The following PAK5 variants were observed in gnomAD, a reference collection of about 807,000 sequenced individuals.
PAK5 encodes the protein p21 (RAC1) activated kinase 5.
PAK5 carries 16 observed loss-of-function variants against 65.9 expected under a neutral mutation model. That is an observed-to-expected ratio of 0.24 (90% CI 0.16 to 0.37). The LOEUF (loss-of-function observed/expected upper bound fraction) is 0.37. Among genes scored for constraint, PAK5 ranks in the 10% least tolerant of loss-of-function variants. PAK5 has a pLI of 1.00. For missense variants in PAK5, 785 were observed against 903.9 expected, an observed-to-expected ratio of 0.87 and a Z score of 1.69; for synonymous variants, 371 against 354.9, an observed-to-expected ratio of 1.05 and a Z score of -0.51.
At chr20:9,775,214 T>C (rs1257713330) in intron 1 of PAK5, among the ~76,000 whole-genome samples, 1 of 152,060 alleles carries the variant, frequency 6.6e-6, no homozygotes, top group Non-Finnish European at 1.5e-5. Flanking sequence ...CATAGGGCTA[T>C]AAAATTTAGA....
At chr20:9,722,238 G>A (rs536290326) in intron 1 of PAK5, among the ~76,000 whole-genome samples, 9 of 152,150 alleles carry the variant, frequency 5.9e-5, no homozygotes, top group Non-Finnish European at 7.3e-5. Context: ...GAGTTAGCAT[G>A]TACAAATGTC....
At chr20:9,759,219 C>T (rs1398560785) in intron 1 of PAK5, among the ~76,000 whole-genome samples, 1 of 152,054 alleles carries the variant, frequency 6.6e-6, no homozygotes, top group East Asian at 1.9e-4. Flanking sequence ...TGTAGCTGGG[C>T]TTTTTAATTT....
chr20:9,752,209 G>T (rs1288378426), intron 1 of PAK5, among the ~76,000 whole-genome samples: 5 of 152,058 alleles, frequency 3.3e-5, no homozygotes, highest in African/African-American at 1.2e-4. Flanking sequence ...CCAGAGGCAG[G>T]GTCAAGCAAT....
At chr20:9,828,082 A>C (rs899431689) in intron 1 of PAK5, among the ~76,000 whole-genome samples, 6 of 151,944 alleles carry the variant, frequency 3.9e-5, no homozygotes, top group African/African-American at 1.4e-4. Flanking sequence ...TAATCCACCC[A>C]CCTCGGCCTC....
At chr20:9,540,866 A>G (rs1294228919) in intron 9 of PAK5, among the ~76,000 whole-genome samples, 1 of 151,698 alleles carries the variant, frequency 6.6e-6, no homozygotes, top group African/African-American at 2.4e-5. Context: ...CCTCCTGAGT[A>G]GCTGGGACTA....
intron 1 of PAK5, among the ~76,000 whole-genome samples, chr20:9,723,919 T>C (rs182700591): frequency 6.6e-6 from 1 of 152,326 alleles, no homozygotes; most frequent in Non-Finnish European, 1.5e-5. Flanking sequence ...CTGCTTATTA[T>C]GTAGCATTTT....
chr20:9,710,557 C>T (rs2048065441), intron 2 of PAK5, among the ~76,000 whole-genome samples: 1 of 152,286 alleles, frequency 6.6e-6, no homozygotes, highest in Non-Finnish European at 1.5e-5. Flanking sequence ...AATGCCACAT[C>T]CCTAAGCCAA....
chr20:9,579,563 G>A (rs990294866), intron 4 of PAK5, among the ~76,000 whole-genome samples: 6 of 152,018 alleles, frequency 3.9e-5, no homozygotes, highest in Non-Finnish European at 7.4e-5. Context: ...ATGGTCCAGC[G>A]GTCCAGCAAC....
At chr20:9,832,435 G>A (rs537539106) in intron 1 of PAK5, among the ~76,000 whole-genome samples, 1 of 152,052 alleles carries the variant, frequency 6.6e-6, no homozygotes, top group Non-Finnish European at 1.5e-5. Flanking sequence ...ACCACACCCA[G>A]CTATTTTTTT....
intron 1 of PAK5, among the ~76,000 whole-genome samples, chr20:9,741,170 G>A (rs544856802): frequency 1.3e-5 from 2 of 152,264 alleles, no homozygotes; most frequent in Non-Finnish European, 2.9e-5. Flanking sequence ...TGAAAGACAG[G>A]AGTGACAAAT....
chr20:9,646,901 C>A (rs2047142139), intron 2 of PAK5, among the ~76,000 whole-genome samples: 1 of 152,166 alleles, frequency 6.6e-6, no homozygotes, highest in Non-Finnish European at 1.5e-5. Flanking sequence ...GCCCAGCTGA[C>A]CAGCAGCTAT....
intron 1 of PAK5, among the ~76,000 whole-genome samples, chr20:9,827,369 T>C (rs1978349727): frequency 6.6e-6 from 1 of 152,176 alleles, no homozygotes; most frequent in Non-Finnish European, 1.5e-5. Context: ...TTTTAAATCA[T>C]AGCACCGCCT....
At chr20:9,546,973 A>G (rs1459269102) in intron 7 of PAK5, among the ~76,000 whole-genome samples, 1 of 152,252 alleles carries the variant, frequency 6.6e-6, no homozygotes. Flanking sequence ...ATTCACATCC[A>G]TCCAAAGTGC....
chr20:9,757,702 C>T (rs1016945432), intron 1 of PAK5, among the ~76,000 whole-genome samples: 3 of 152,266 alleles, frequency 2.0e-5, no homozygotes, highest in Admixed American at 6.5e-5. Context: ...GATGAATACA[C>T]TAATGAAATG....
At chr20:9,622,694 G>A (rs2046787380) in intron 3 of PAK5, among the ~76,000 whole-genome samples, 1 of 152,202 alleles carries the variant, frequency 6.6e-6, no homozygotes, top group African/African-American at 2.4e-5. Context: ...AAACCCTATG[G>A]TGAACCAAGC....
At chr20:9,655,054 A>G (rs2047249283) in intron 2 of PAK5, among the ~76,000 whole-genome samples, 1 of 152,100 alleles carries the variant, frequency 6.6e-6, no homozygotes, top group Non-Finnish European at 1.5e-5. Flanking sequence ...GGGCTATTAC[A>G]AAGTTATCTA....
chr20:9,622,323 A>G (rs2123191746), intron 3 of PAK5, among the ~76,000 whole-genome samples: 1 of 152,352 alleles, frequency 6.6e-6, no homozygotes, highest in African/African-American at 2.4e-5. Flanking sequence ...ATTAATTAAA[A>G]TAAAATCAAA....
intron 1 of PAK5, among the ~76,000 whole-genome samples, chr20:9,716,684 A>G (rs751225875): frequency 4.6e-5 from 7 of 152,240 alleles, no homozygotes; most frequent in Non-Finnish European, 1.0e-4. Flanking sequence ...TTCTCAAATC[A>G]TCACTAAAAC....
chr20:9,706,161 C>A (rs2048004278), intron 2 of PAK5, among the ~76,000 whole-genome samples: 2 of 152,174 alleles, frequency 1.3e-5, no homozygotes, highest in African/African-American at 4.8e-5. Context: ...CATCAGCAGT[C>A]TTCACAGAGA....
Sources: allele counts gnomAD v4.1 joint callset (sites outside exome capture counted in the v4.1 genomes callset), GRCh38; gene constraint gnomAD v4.1.1; transcripts MANE v1.5; gene names NCBI Gene and HGNC (gene_info 2026-07-23, HGNC 2026-07-21).